Variants in AGBL4 observed in about 807,000 individuals in gnomAD.
AGBL4 encodes cytosolic carboxypeptidase 6.
In AGBL4, 58 loss-of-function variants were observed where a neutral mutation model predicts 66.4. The ratio of observed to expected loss-of-function variants is 0.87; its 90% CI spans 0.71 to 1.09. The LOEUF (loss-of-function observed/expected upper bound fraction) is 1.09, where lower values mean the gene tolerates loss of function less well. Ranked by LOEUF, AGBL4 falls within the 50% of genes least tolerant of loss-of-function variation. The pLI is 0.00. For synonymous variants in AGBL4, 234 were observed against 222.9 expected, an observed-to-expected ratio of 1.05 and a Z score of -0.44; for missense variants, 579 against 631.0, an observed-to-expected ratio of 0.92 and a Z score of 0.88.
chr1:49,528,160 C>T (rs779068743), intron 3 of AGBL4, among the ~76,000 whole-genome samples: 10 of 151,884 alleles, frequency 6.6e-5, no homozygotes, highest in Admixed American at 1.3e-4. Flanking sequence ...GAGAACTGCA[C>T]GGTCACCACA....
chr1:49,615,072 C>T (rs1232377069), intron 3 of AGBL4, among the ~76,000 whole-genome samples: 2 of 152,120 alleles, frequency 1.3e-5, no homozygotes, highest in East Asian at 3.9e-4. Flanking sequence ...ATCAGTAACA[C>T]AGTAGCACTT....
At chr1:49,150,050 A>C (rs988331173) in intron 4 of AGBL4, among the ~76,000 whole-genome samples, 18 of 152,158 alleles carry the variant, frequency 1.2e-4, no homozygotes, top group African/African-American at 4.3e-4. Flanking sequence ...GAGGTCTATA[A>C]ATTTTGTAAT....
chr1:48,838,124 T>A (rs77322446), intron 6 of AGBL4, among the ~76,000 whole-genome samples: 10,204 of 151,896 alleles, frequency 0.067, 438 homozygotes, highest in South Asian at 0.11. Context: ...CCCAAAGCAA[T>A]CTACAGATCA....
intron 6 of AGBL4, among the ~76,000 whole-genome samples, chr1:48,789,105 G>A (rs1645477006): frequency 6.6e-6 from 1 of 152,044 alleles, no homozygotes; most frequent in Non-Finnish European, 1.5e-5. Flanking sequence ...GAGGGAGGGT[G>A]AAGGTCCAAG....
intron 6 of AGBL4, among the ~76,000 whole-genome samples, chr1:48,674,938 C>T (rs766632062): frequency 2.6e-5 from 4 of 152,294 alleles, no homozygotes; most frequent in South Asian, 4.2e-4. Context: ...TAATTTGCTT[C>T]TCTTTCTGTC....
In AGBL4 at chr1:49,462,503, C is replaced by T. The variant is rs1456198414; in HGVS notation, c.283-216639G>A. Among the ~76,000 whole-genome samples, 26 of 151,620 alleles carry T rather than the reference C, an allele frequency of 1.7e-4. 1 individual carries two copies. The highest frequency in any genetic ancestry group is 1.5e-5 in the Non-Finnish European group (1 of 67,776). ...GTTGGTGTATCCTTAGAAAAATAAGCTTAAATAATTTGGGCTATTTATTAG... is the reference window on the plus strand; with the variant it reads ...GTTGGTGTATCCTTAGAAAAATAAGTTTAAATAATTTGGGCTATTTATTAG... On this transcript the variant is annotated intron_variant, in intron 3 of 13. Transcript: ENST00000371839.
At chr1:48,973,334 G>A (rs1659063622) in intron 5 of AGBL4, among the ~76,000 whole-genome samples, 1 of 152,000 alleles carries the variant, frequency 6.6e-6, no homozygotes, top group Non-Finnish European at 1.5e-5. Context: ...CACATTTTAG[G>A]GTGAATTGCT....
At chr1:49,338,938 G>A (rs1385936353) in intron 3 of AGBL4, among the ~76,000 whole-genome samples, 1 of 152,124 alleles carries the variant, frequency 6.6e-6, no homozygotes, top group African/African-American at 2.4e-5. Context: ...AATGAATGGA[G>A]CATTACAGAA....
chr1:49,553,231 C>CT (rs2148841193), intron 3 of AGBL4, among the ~76,000 whole-genome samples: 1 of 152,314 alleles, frequency 6.6e-6, no homozygotes, highest in Admixed American at 6.5e-5. Context: ...GGCTTAACCA[C>CT]TTACCAGTTG....
intron 9 of AGBL4, among the ~76,000 whole-genome samples, chr1:48,591,523 A>C (rs1644918838): frequency 6.6e-6 from 1 of 152,202 alleles, no homozygotes; most frequent in African/African-American, 2.4e-5. Flanking sequence ...CGAGTATTTT[A>C]ATTCAAACCT....
At chr1:49,529,687 A>C (rs1650942382) in intron 3 of AGBL4, among the ~76,000 whole-genome samples, 1 of 152,046 alleles carries the variant, frequency 6.6e-6, no homozygotes, top group Non-Finnish European at 1.5e-5. Flanking sequence ...AAATAATAAT[A>C]CTAATAACAA....
At chr1:49,540,709 A>G (rs2148823841) in intron 3 of AGBL4, among the ~76,000 whole-genome samples, 1 of 152,336 alleles carries the variant, frequency 6.6e-6, no homozygotes, top group South Asian at 2.1e-4. Context: ...GTATTATTTA[A>G]TATAGAAAGA....
chr1:49,933,284 A>C (rs1639305457), intron 1 of AGBL4, among the ~76,000 whole-genome samples: 1 of 152,128 alleles, frequency 6.6e-6, no homozygotes, highest in Admixed American at 6.5e-5. Context: ...AATAAAAAAA[A>C]CTGTCAACCA....
intron 13 of AGBL4, 56 bp from the exon 14 acceptor site, chr1:48,534,349 G>T: frequency 2.0e-6 from 3 of 1,499,890 alleles, no homozygotes; most frequent in African/African-American, 1.4e-5. Context: ...ACACTGTGAT[G>T]AAATCATTTG....
chr1:49,001,385 A>T (rs1273334944), intron 5 of AGBL4, among the ~76,000 whole-genome samples: 1 of 152,188 alleles, frequency 6.6e-6, no homozygotes, highest in African/African-American at 2.4e-5. Flanking sequence ...GTTTGTTGGT[A>T]TTCTCGCCTA....
chr1:49,018,936 T>G (rs1051616957), intron 5 of AGBL4, among the ~76,000 whole-genome samples: 2 of 152,176 alleles, frequency 1.3e-5, no homozygotes, highest in African/African-American at 2.4e-5. Context: ...TATTCCTTTG[T>G]GTAAACTCCT....
intron 11 of AGBL4, among the ~76,000 whole-genome samples, chr1:48,565,585 A>T (rs1283737879): frequency 6.6e-6 from 1 of 152,104 alleles, no homozygotes; most frequent in Non-Finnish European, 1.5e-5. Flanking sequence ...TCAAGCATCC[A>T]GGGTCCCTCC....
intron 4 of AGBL4, among the ~76,000 whole-genome samples, chr1:49,049,781 G>A (rs1644169856): frequency 6.6e-6 from 1 of 151,872 alleles, no homozygotes; most frequent in Non-Finnish European, 1.5e-5. Context: ...GTTAGACAAG[G>A]CAGACTTCTG....
At chr1:49,929,741 A>G (rs1424789977) in intron 1 of AGBL4, among the ~76,000 whole-genome samples, 1 of 152,148 alleles carries the variant, frequency 6.6e-6, no homozygotes, top group Non-Finnish European at 1.5e-5. Context: ...CTACACAAAT[A>G]AAGACTTTTT....
Sources: gnomAD v4.1 joint callset for allele counts (sites outside exome capture counted in the v4.1 genomes callset) on GRCh38, gnomAD v4.1.1 for gene constraint, MANE v1.5 for transcripts, NCBI Gene and HGNC (gene_info 2026-07-23, HGNC 2026-07-21) for gene names.